Variants in RNF166 observed in about 807,000 individuals in gnomAD.
RNF166 encodes ring finger protein 166.
Under a neutral mutation model 29.4 loss-of-function variants are expected in RNF166, and 19 were observed. The observed-to-expected ratio is 0.65, with a 90% CI of 0.45 to 0.95. RNF166 has a LOEUF of 0.95. RNF166 is among the 40% of genes least tolerant of loss of function. The pLI, the probability that RNF166 is intolerant of heterozygous loss-of-function variation, is 0.00. For synonymous variants in RNF166, 171 were observed against 134.5 expected (o/e 1.27, Z -1.88); for missense variants, 347 against 322.1 (o/e 1.08, Z -0.59).
intron 3 of RNF166, 41 bp from the exon 4 acceptor site, chr16:88,699,126 C>G (rs759441167): frequency 7.5e-7 from 1 of 1,339,058 alleles, no homozygotes; most frequent in Non-Finnish European, 1.1e-6. Flanking sequence ...GGCTAGGTGT[C>G]TAGGGGCTCT....
chr16:88,697,637 G>T lies in RNF166; in HGVS notation c.649-4C>A. 6.5e-7 allele frequency: 1 copy of T among 1,549,440 alleles called. No individual in the cohort carries two copies. Among genetic ancestry groups the T allele is most frequent in the South Asian group, 1.2e-5 (1 of 84,052 alleles). ...CCTCCTCGTCAATACTGTAGTCCTG[G>T]AGACAGGAAGGAGAGATGCACCGGG... On this transcript the variant is annotated splice_region_variant and splice_polypyrimidine_tract_variant and intron_variant, in intron 5 of 5. Transcript: ENST00000312838.
intron 5 of RNF166, chr16:88,697,894 G>A (rs889667772): frequency 4.7e-5 from 23 of 494,094 alleles, no homozygotes; most frequent in Admixed American, 1.4e-4. Flanking sequence ...CTCTAAGCCC[G>A]GGGTTTCCGA....
Position 88,697,248 on chromosome 16 carries a change from A to C in RNF166, c.*320T>G. The C allele has an allele frequency of 4.2e-6, 1 of 237,824 alleles. No individual in the cohort carries two copies. Among genetic ancestry groups the C allele is most frequent in the Non-Finnish European group, 8.2e-6 (1 of 121,964 alleles). The allele number at this position is 237,824 out of a possible 1,614,324, so 14.7% of individuals were successfully genotyped here. A position where few individuals can be genotyped will look rare whatever the true frequency, so the allele number is the denominator to read the frequency against. The stretch of plus-strand genomic sequence containing the variant: ...ACTCGCGCGTCGGTCCCTTCTTCCC[A>C]CGAGGGGGTATCATGGCTTTGAAGA... On this transcript the variant is annotated 3_prime_UTR_variant, in exon 6 of 6. Coordinates refer to ENST00000312838, the MANE Select transcript of RNF166 (RefSeq NM_178841.4).
rs906699229 is a variant in RNF166 at position 88,696,521 on chromosome 16, A to G, written c.*1047T>C. Reference sequence around the variant, plus strand: ...AGAGATGCTCTGAGACATTTTATTTAAACTTTTTTTTTTAAAAAAAAGACA... The same window carrying G: ...AGAGATGCTCTGAGACATTTTATTTGAACTTTTTTTTTTAAAAAAAAGACA... On this transcript the variant is annotated 3_prime_UTR_variant, in exon 6 of 6. Transcript: ENST00000312838. 2.4e-6 allele frequency: 1 copy of G among 423,210 alleles called. No individual in the cohort carries two copies. Among genetic ancestry groups the G allele is most frequent in the African/African-American group, 2.3e-5 (1 of 43,026 alleles). 26.2% of individuals were successfully genotyped at this position (423,210 alleles called of 1,614,324 possible). A position where few individuals can be genotyped will look rare whatever the true frequency, so the allele number is the denominator to read the frequency against.
At chr16:88,704,873 C>T (rs1232624828) in intron 1 of RNF166, among the ~76,000 whole-genome samples, 1 of 152,140 alleles carries the variant, frequency 6.6e-6, no homozygotes, top group Non-Finnish European at 1.5e-5. Context: ...GCCTGTAATC[C>T]CAGCTACTCT....
chr16:88,698,855 G>T, intron 4 of RNF166, 116 bp downstream of exon 4: 2 of 825,120 alleles, frequency 2.4e-6, no homozygotes, highest in Non-Finnish European at 1.9e-6. Flanking sequence ...CTGGGTCCCA[G>T]GAGGCCTTTG....
Position 88,704,386 on chromosome 16 carries a change from G to A in RNF166, c.155+1785C>T, listed in dbSNP as rs896916776. On this transcript the variant is annotated intron_variant, in intron 1 of 5. Coordinates refer to ENST00000312838, the MANE Select transcript of RNF166 (RefSeq NM_178841.4). ...GACCCGCGGTGAGACTAGGATGGTC[G>A]TCATTCTACCAAGAAAAGCATGGCA... 31 of 985,296 alleles carry A rather than the reference G, an allele frequency of 3.1e-5. 1 individual carries two copies. In the South Asian group the frequency reaches 7.0e-4, roughly 22 times the overall value. The allele number at this position is 985,296 out of a possible 1,614,324, so 61.0% of individuals were successfully genotyped here. A position where few individuals can be genotyped will look rare whatever the true frequency, so the allele number is the denominator to read the frequency against.
At chr16:88,698,324 A>G in intron 5 of RNF166, 178 bp downstream of exon 5, 3 of 711,660 alleles carry the variant, frequency 4.2e-6, no homozygotes, top group Non-Finnish European at 7.7e-6. Flanking sequence ...CTCAGCTGCC[A>G]TCACTCCCCA....
At chr16:88,701,577 G>A (rs1248681603) in intron 1 of RNF166, 159 bp from the exon 2 acceptor site, 26 of 683,104 alleles carry the variant, frequency 3.8e-5, no homozygotes, top group South Asian at 2.0e-5. Flanking sequence ...TCCTATGTCC[G>A]GGGCCCACCA....
rs373775236 is a variant in RNF166 at position 88,698,986 on chromosome 16, G to T, written c.525C>A (p.Ser175Arg). The change falls in exon 4 of 6, where the codon AGC (serine) becomes AGA (arginine). Residue 175 changes from serine to arginine, a missense_variant. Physicochemically the swap from Ser to Arg is moderately radical, Grantham distance 110. Coordinates refer to ENST00000312838, the MANE Select transcript of RNF166 (RefSeq NM_178841.4). ...LVKHCVESHR[S>R]DPNRVVCPIC... ...CACTGCTCACCACGCGGTTGGGGTC[G>T]CTGCGGTGGCTTTCCACACAGTGCT... 3 of 1,598,172 alleles carry T rather than the reference G, an allele frequency of 1.9e-6. No homozygotes were observed. The highest frequency in any genetic ancestry group is 2.6e-6 in the Non-Finnish European group (3 of 1,172,618).
rs1055997405 is a variant in RNF166 at position 88,702,465 on chromosome 16, C to T, written c.156-1047G>A. On this transcript the variant is annotated intron_variant, in intron 1 of 5. Coordinates refer to ENST00000312838, the MANE Select transcript of RNF166 (RefSeq NM_178841.4). ...TGTGGGCAGGCCCTGGGTTCACAAA[C>T]GACTCAGCTGAATTCAGGGCCAGAG... 5.6e-4 allele frequency among the ~76,000 whole-genome samples: 85 copies of T among 152,320 alleles called. 1 individual carries two copies. Among genetic ancestry groups the T allele is most frequent in the South Asian group, 2.1e-4 (1 of 4,820 alleles).
At chr16:88,704,656 G>C (rs1365911702) in intron 1 of RNF166, among the ~76,000 whole-genome samples, 1 of 152,024 alleles carries the variant, frequency 6.6e-6, no homozygotes, top group East Asian at 1.9e-4. Context: ...CAGATGAGAA[G>C]GTGCGGAACA....
chr16:88,699,513 G>T (rs1442476357), intron 3 of RNF166, 107 bp downstream of exon 3: 3 of 858,472 alleles, frequency 3.5e-6, no homozygotes, highest in Non-Finnish European at 5.4e-6. Flanking sequence ...AGTGGACCCG[G>T]CCCCGGGTGA....
chr16:88,698,099 G>A (rs1430243943), intron 5 of RNF166: 13 of 571,632 alleles, frequency 2.3e-5, no homozygotes, highest in South Asian at 1.7e-4. Flanking sequence ...CTGCAGGCCC[G>A]GGGGCCAGGT....
intron 1 of RNF166, chr16:88,703,562 C>T (rs1015335409): frequency 7.5e-5 from 74 of 985,330 alleles, no homozygotes; most frequent in Non-Finnish European, 8.2e-5. Flanking sequence ...GGTGCTCTAT[C>T]GGCCTAGTTT....
At chr16:88,698,453 G>A (rs755242039) in intron 5 of RNF166, 49 bp downstream of exon 5, 1 of 1,403,480 alleles carries the variant, frequency 7.1e-7, no homozygotes. Context: ...AGCAGGAGGA[G>A]GGTGGATGAG....
Position 88,703,633 on chromosome 16 carries a change from C to T in RNF166, c.156-2215G>A, listed in dbSNP as rs1398515008. ...AGCCGGGAGTAGTGCCCGCTTCCCCCACAGGAAGTTCCTGTCTGCGCCCAC... is the reference window on the plus strand; with the variant it reads ...AGCCGGGAGTAGTGCCCGCTTCCCCTACAGGAAGTTCCTGTCTGCGCCCAC... On this transcript the variant is annotated intron_variant, in intron 1 of 5. Transcript: ENST00000312838. The T allele has an allele frequency of 1.0e-5, 10 of 985,542 alleles. No individual in the cohort carries two copies. The South Asian group carries it at 3.3e-4, about 32-fold the overall frequency. 61.0% of individuals were successfully genotyped at this position (985,542 alleles called of 1,614,324 possible). A position where few individuals can be genotyped will look rare whatever the true frequency, so the allele number is the denominator to read the frequency against.
chr16:88,697,823 G>A (rs1909784049), intron 5 of RNF166, 190 bp from the exon 6 acceptor site: 2 of 571,846 alleles, frequency 3.5e-6, no homozygotes, highest in Non-Finnish European at 6.4e-6. Context: ...AGGTGAAGGT[G>A]TGTCCATCAC....
intron 1 of RNF166, among the ~76,000 whole-genome samples, chr16:88,701,899 T>G (rs1340048540): frequency 6.6e-6 from 1 of 152,190 alleles, no homozygotes; most frequent in Non-Finnish European, 1.5e-5. Flanking sequence ...CCAGATGCAC[T>G]GGACAGGGAA....
Sources: allele counts gnomAD v4.1 joint callset (sites outside exome capture counted in the v4.1 genomes callset), GRCh38; gene constraint gnomAD v4.1.1; transcripts MANE v1.5; gene names NCBI Gene and HGNC (gene_info 2026-07-23, HGNC 2026-07-21).